The following FRMD4B variants were observed in gnomAD, a reference collection of about 807,000 sequenced individuals.
FRMD4B encodes the protein FERM domain-containing protein 4B.
Under a neutral mutation model 141.5 loss-of-function variants are expected in FRMD4B, and 74 were observed. The ratio of observed to expected loss-of-function variants is 0.52; its 90% CI spans 0.43 to 0.63. FRMD4B has a LOEUF of 0.63. FRMD4B is among the 30% of genes least tolerant of loss of function. FRMD4B has a pLI of 0.00. For missense variants in FRMD4B, 1,366 were observed against 1,253.4 expected (o/e 1.09, Z -1.36); for synonymous variants, 506 against 467.9 (o/e 1.08, Z -1.05).
intron 3 of FRMD4B, 98 bp downstream of exon 3, chr3:69,311,165 A>G: frequency 1.7e-6 from 1 of 594,566 alleles, no homozygotes; most frequent in Admixed American, 2.8e-5. Context: ...CATGTTCTGA[A>G]TGCTGGAGGA....
At chr3:69,391,738 A>G (rs141714166) in intron 2 of FRMD4B, among the ~76,000 whole-genome samples, 1 of 152,206 alleles carries the variant, frequency 6.6e-6, no homozygotes, top group African/African-American at 2.4e-5. Context: ...ACTGTCAGCT[A>G]TGTGAGGAAC....
At chr3:69,436,707 A>T (rs7645881) in intron 1 of FRMD4B, among the ~76,000 whole-genome samples, 3,349 of 152,324 alleles carry the variant, frequency 0.022, 114 homozygotes, top group African/African-American at 0.076. Flanking sequence ...CCATCAGCAG[A>T]TTAATGGATA....
chr3:69,508,639 C>T (rs1262587516), intron 1 of FRMD4B, among the ~76,000 whole-genome samples: 1 of 152,116 alleles, frequency 6.6e-6, no homozygotes, highest in Non-Finnish European at 1.5e-5. Context: ...AATATTCTAC[C>T]ATTAAAAGGA....
Position 69,169,357 on chromosome 3 carries a change from T to C in FRMD4B, c.*2504A>G, listed in dbSNP as rs56142460. ...TTGCTGAACTTCCATTTCTTTCTTT[T>C]TTTTTTTTTTTTTTTTTTCTTGAGA... is the stretch of plus-strand genomic sequence containing the variant. On this transcript the variant is annotated 3_prime_UTR_variant, in exon 23 of 23. Transcript: ENST00000398540. Among the ~76,000 whole-genome samples, 480 of 13,058 alleles carry C rather than the reference T, an allele frequency of 0.037. 9 individuals are homozygous for C. The East Asian group carries it at 0.4, about 11-fold the overall frequency. 8.6% of individuals were successfully genotyped at this position (13,058 alleles called of 152,430 possible).
At chr3:69,474,401 T>G (rs1705948223) in intron 1 of FRMD4B, among the ~76,000 whole-genome samples, 1 of 152,162 alleles carries the variant, frequency 6.6e-6, no homozygotes, top group Non-Finnish European at 1.5e-5. Flanking sequence ...GTTAAGTTCC[T>G]GAGTATTGCT....
At chr3:69,183,474 ATTTTTTTTTTTTTT>A (rs771537044) in intron 19 of FRMD4B, among the ~76,000 whole-genome samples, 1 of 113,252 alleles carries the variant, frequency 8.8e-6, no homozygotes, top group African/African-American at 3.8e-5. Context: ...TTAGAAGTTA[ATTTTTTTTTTTTTT>A]TTTTTTTTTT....
chr3:69,293,096 T>C (rs1191489280), intron 4 of FRMD4B: 4 of 441,498 alleles, frequency 9.1e-6, no homozygotes, highest in Non-Finnish European at 1.8e-5. Flanking sequence ...CACTCATTAG[T>C]GATGACAGAA....
intron 19 of FRMD4B, among the ~76,000 whole-genome samples, chr3:69,186,221 A>T (rs78505874): frequency 0.013 from 1,921 of 150,148 alleles, 43 homozygotes; most frequent in African/African-American, 0.043. Flanking sequence ...TATTTTTTTG[A>T]ACATTTCTTT....
At chr3:69,391,249 T>C (rs866077076) in intron 2 of FRMD4B, among the ~76,000 whole-genome samples, 1 of 103,570 alleles carries the variant, frequency 9.7e-6, no homozygotes, top group Non-Finnish European at 2.0e-5. Context: ...TTTATTTTTA[T>C]TTTTTTTTAT....
At position 69,196,370 on chromosome 3, in the gene FRMD4B, T is replaced by C. The variant is rs749708791; in HGVS notation, c.1119A>G (p.Leu373=). 6.2e-7 allele frequency: 1 copy of C among 1,611,480 alleles called. No homozygotes were observed. The highest frequency in any genetic ancestry group is 1.1e-5 in the South Asian group (1 of 90,444). Residue 373 remains leucine, a synonymous_variant, in exon 14 of 23, where the codon TTA becomes TTG. Coordinates refer to ENST00000398540, the MANE Select transcript of FRMD4B (RefSeq NM_015123.3). ...SKAKIPSARS[L]DEIAMDLTET... ...CTGTCAAATCCATTGCAATCTCATC[T>C]AAACTCCTGGCTGAAGGAATTTTTG... is the stretch of plus-strand genomic sequence containing the variant.
chr3:69,355,666 G>C (rs191483854), intron 1 of FRMD4B, among the ~76,000 whole-genome samples: 6 of 152,126 alleles, frequency 3.9e-5, no homozygotes, highest in Non-Finnish European at 5.9e-5. Context: ...ACCAAATTAG[G>C]GGGGAGGCTG....
In FRMD4B at chr3:69,373,081, G is replaced by A. The variant is rs1415397528; in HGVS notation, c.162+12747C>T. Among the ~76,000 whole-genome samples, 6 of 152,306 alleles carry A rather than the reference G, an allele frequency of 3.9e-5. No individual in the cohort carries two copies. The East Asian group carries it at 1.2e-3, about 29-fold the overall frequency. On this transcript the variant is annotated intron_variant, in intron 1 of 22. Transcript: ENST00000398540. ...ATAACTGGGGTGAGAGGAGGAGAGA[G>A]AACTCTCAGCCAGGTGTTTGTAGAT...
chr3:69,522,548 G>A (rs945796313), intron 1 of FRMD4B, among the ~76,000 whole-genome samples: 1 of 152,132 alleles, frequency 6.6e-6, no homozygotes, highest in Non-Finnish European at 1.5e-5. Flanking sequence ...AAGAAGTGGA[G>A]TTTGGTGAGT....
At chr3:69,250,639 T>C (rs2093458837) in intron 5 of FRMD4B, among the ~76,000 whole-genome samples, 1 of 152,132 alleles carries the variant, frequency 6.6e-6, no homozygotes, top group South Asian at 2.1e-4. Flanking sequence ...ATGTGAGGCC[T>C]TAAAAATCAG....
chr3:69,494,843 G>T (rs1706358810), intron 1 of FRMD4B, among the ~76,000 whole-genome samples: 2 of 151,506 alleles, frequency 1.3e-5, no homozygotes, highest in Non-Finnish European at 2.9e-5. Context: ...AGTGATCCAA[G>T]ATCACGCCAC....
intron 5 of FRMD4B, among the ~76,000 whole-genome samples, chr3:69,275,881 T>G (rs80125635): frequency 0.029 from 4,482 of 152,280 alleles, 115 homozygotes; most frequent in East Asian, 0.1. Context: ...CCAATCTCAC[T>G]CTCAGAAATA....
intron 7 of FRMD4B, among the ~76,000 whole-genome samples, chr3:69,246,799 G>A (rs1032484165): frequency 1.3e-5 from 2 of 152,190 alleles, no homozygotes; most frequent in African/African-American, 2.4e-5. Context: ...TGATCACTCA[G>A]GAAAACCACC....
chr3:69,282,993 T>A (rs1480722502), intron 5 of FRMD4B, among the ~76,000 whole-genome samples: 1 of 152,186 alleles, frequency 6.6e-6, no homozygotes, highest in East Asian at 1.9e-4. Flanking sequence ...AAATAAAATT[T>A]AAAAAATTAT....
intron 1 of FRMD4B, among the ~76,000 whole-genome samples, chr3:69,441,880 C>A (rs1024232064): frequency 6.6e-6 from 1 of 152,158 alleles, no homozygotes; most frequent in African/African-American, 2.4e-5. Flanking sequence ...GAAATACTTA[C>A]AAAACGGATT....
Sources: allele counts gnomAD v4.1 joint callset (sites outside exome capture counted in the v4.1 genomes callset), GRCh38; gene constraint gnomAD v4.1.1; transcripts MANE v1.5; gene names NCBI Gene and HGNC (gene_info 2026-07-23, HGNC 2026-07-21).